Variants in KIAA1549 observed in about 807,000 individuals in gnomAD.
KIAA1549 encodes the protein UPF0606 protein KIAA1549.
In KIAA1549, 70 loss-of-function variants were observed where a neutral mutation model predicts 156.4. The ratio of observed to expected loss-of-function variants is 0.45; its 90% CI spans 0.37 to 0.55. The LOEUF (loss-of-function observed/expected upper bound fraction) is 0.55, where lower values mean the gene tolerates loss of function less well. KIAA1549 is among the 20% of genes least tolerant of loss of function. The pLI is 0.00. For missense variants in KIAA1549, 2,428 were observed against 2,540.9 expected (o/e 0.96, Z 0.96); for synonymous variants, 1,103 against 1,066.4 (o/e 1.03, Z -0.67).
At chr7:138,955,582 C>A (rs1457879389) in intron 1 of KIAA1549, among the ~76,000 whole-genome samples, 1 of 138,946 alleles carries the variant, frequency 7.2e-6, no homozygotes, top group African/African-American at 2.9e-5. Context: ...GAAAGTATAT[C>A]ATGGCATGAA....
chr7:138,955,285 A>T, intron 1 of KIAA1549, among the ~76,000 whole-genome samples: 1 of 152,232 alleles, frequency 6.6e-6, no homozygotes, highest in Non-Finnish European at 1.5e-5. Context: ...GCACATACAC[A>T]CAATGGAATA....
At position 138,919,426 on chromosome 7, in the gene KIAA1549, G is replaced by A. The variant is rs762407683; in HGVS notation, c.200C>T (p.Pro67Leu). Residue 67 changes from proline to leucine, a missense_variant, in exon 2 of 20, where the codon CCG (proline) becomes CTG (leucine). Coordinates refer to ENST00000422774, the MANE Select transcript of KIAA1549 (RefSeq NM_001164665.2). Reference protein sequence around the residue: ...PASCAPDELSPEQHNLSLYSM... With the variant: ...PASCAPDELSLEQHNLSLYSM... ...GTATAAAGAAAGGTTGTGCTGTTCCGGAGAGAGCTCATCTATCAAGAAAAT... is the reference window on the plus strand; with the variant it reads ...GTATAAAGAAAGGTTGTGCTGTTCCAGAGAGAGCTCATCTATCAAGAAAAT... The A allele has an allele frequency of 4.0e-5, 64 of 1,613,112 alleles. No homozygotes were observed. Among genetic ancestry groups the A allele is most frequent in the Admixed American group, 6.7e-5 (4 of 59,934 alleles).
At chr7:138,971,091 G>A (rs1051066495) in intron 1 of KIAA1549, among the ~76,000 whole-genome samples, 2 of 152,128 alleles carry the variant, frequency 1.3e-5, no homozygotes, top group East Asian at 1.9e-4. Context: ...CCTATCTTCC[G>A]CCAAGGCTCT....
At chr7:138,924,230 G>A (rs10259252) in intron 1 of KIAA1549, among the ~76,000 whole-genome samples, 36,801 of 146,286 alleles carry the variant, frequency 0.25, 6,018 homozygotes, top group African/African-American at 0.47. Context: ...CTACAATGAA[G>A]GCTTACAAGT....
intron 1 of KIAA1549, among the ~76,000 whole-genome samples, chr7:138,935,716 CACT>C (rs1563084589): frequency 6.6e-6 from 1 of 152,192 alleles, no homozygotes; most frequent in Non-Finnish European, 1.5e-5. Flanking sequence ...CAGGAGACAC[CACT>C]GCCTCCCTGG....
chr7:138,883,815 T>C (rs1811315862), intron 10 of KIAA1549, among the ~76,000 whole-genome samples: 1 of 152,218 alleles, frequency 6.6e-6, no homozygotes. Context: ...CCCAGGCATA[T>C]TCCACATCCA....
rs376019768 is a variant in KIAA1549, at chr7:138,958,414, T to C, written c.187+22669A>G. Among the ~76,000 whole-genome samples the C allele has an allele frequency of 4.5e-4, 69 of 152,352 alleles. 3 individuals are homozygous for C. Among genetic ancestry groups the C allele is most frequent in the African/African-American group, 1.4e-3 (59 of 41,578 alleles). ...GATTAAAAGGCTGAAATTCATCCTG[T>C]TGGCTATGCCCTAAAGGAACAGTCT... On this transcript the variant is annotated intron_variant, in intron 1 of 19. Coordinates refer to ENST00000422774, the MANE Select transcript of KIAA1549 (RefSeq NM_001164665.2).
chr7:138,867,965 T>C lies in KIAA1549; in HGVS notation c.4929+10A>G. On this transcript the variant is annotated intron_variant, in intron 15 of 19. Coordinates refer to ENST00000422774, the MANE Select transcript of KIAA1549 (RefSeq NM_001164665.2). ...CCCGAGTTCCAGAAACTGGAGTCGG[T>C]GGCACGCACTGGGCATCCGATGTAG... The C allele has an allele frequency of 6.2e-7, 1 of 1,611,870 alleles. No homozygotes were observed. Among genetic ancestry groups the C allele is most frequent in the Non-Finnish European group, 8.5e-7 (1 of 1,178,280 alleles).
intron 1 of KIAA1549, 136 bp from the exon 2 acceptor site, chr7:138,919,574 T>G: frequency 2.1e-6 from 3 of 1,412,288 alleles, no homozygotes; most frequent in Admixed American, 2.5e-5. Context: ...CGTCAGAAGT[T>G]AAACAGCTAG....
rs776230190 is a variant in KIAA1549, at chr7:138,919,389, G to A, written c.237C>T (p.Leu79=). Residue 79 remains leucine (L), a synonymous_variant, in exon 2 of 20, where the codon CTC becomes CTT. Coordinates refer to ENST00000422774, the MANE Select transcript of KIAA1549 (RefSeq NM_001164665.2). ...TGTGCCCAGTGCTTTTCTTCAGCAC[G>A]AGCTCCATGGAGTATAAAGAAAGGT... ...QHNLSLYSME[L]VLKKSTGHSA... is the part of the protein sequence containing the mutation. 18 of 1,613,858 alleles carry A rather than the reference G, an allele frequency of 1.1e-5. No individual in the cohort carries two copies. The East Asian group carries it at 1.6e-4, about 14-fold the overall frequency.
intron 12 of KIAA1549, among the ~76,000 whole-genome samples, chr7:138,873,571 G>C (rs2130389910): frequency 6.7e-6 from 1 of 150,088 alleles, no homozygotes; most frequent in Middle Eastern, 3.4e-3. Flanking sequence ...AGACTTCTGG[G>C]TTGCTGGGAG....
chr7:138,865,210 C>CA (rs1345752931), intron 15 of KIAA1549, among the ~76,000 whole-genome samples: 2 of 151,802 alleles, frequency 1.3e-5, no homozygotes, highest in Non-Finnish European at 2.9e-5. Context: ...GCCTGGGCAA[C>CA]AGAGCTGGAG....
Position 138,834,583 on chromosome 7 carries a change from G to A in KIAA1549, c.*3323C>T, listed in dbSNP as rs1244467381. On this transcript the variant is annotated 3_prime_UTR_variant, in exon 20 of 20. Transcript: ENST00000422774. The stretch of plus-strand genomic sequence containing the variant: ...ATGTCTGCTGGGTTATTTGGTGCCA[G>A]AGACACCAGAAAGTCGGGAGCAGAA... 2 of 231,372 alleles carry A rather than the reference G, an allele frequency of 8.6e-6. No homozygotes were observed. Among genetic ancestry groups the A allele is most frequent in the South Asian group, 3.6e-4 (2 of 5,518 alleles). 14.3% of individuals were successfully genotyped at this position (231,372 alleles called of 1,614,324 possible).
intron 1 of KIAA1549, among the ~76,000 whole-genome samples, chr7:138,976,056 T>C (rs1814368518): frequency 6.6e-6 from 1 of 152,182 alleles, no homozygotes; most frequent in South Asian, 2.1e-4. Flanking sequence ...AAAATGCTTA[T>C]TTTATTTTAC....
intron 1 of KIAA1549, among the ~76,000 whole-genome samples, chr7:138,925,884 T>G (rs1248673985): frequency 7.0e-6 from 1 of 142,292 alleles, no homozygotes; most frequent in African/African-American, 2.6e-5. Flanking sequence ...TAGAGTACAA[T>G]TGAGTTGAAA....
At chr7:138,875,824 C>A (rs1735516420) in intron 12 of KIAA1549, among the ~76,000 whole-genome samples, 1 of 152,002 alleles carries the variant, frequency 6.6e-6, no homozygotes, top group Admixed American at 6.5e-5. Flanking sequence ...GAGACAGGGT[C>A]TCGCTCTGTC....
At chr7:138,915,872 C>A (rs1393715720) in intron 2 of KIAA1549, among the ~76,000 whole-genome samples, 1 of 152,202 alleles carries the variant, frequency 6.6e-6, no homozygotes, top group Admixed American at 6.5e-5. Flanking sequence ...GAGACCCTGA[C>A]CAAGCGGGCC....
In KIAA1549 at chr7:138,833,440, C is replaced by T. The variant is rs1440810684; in HGVS notation, c.*4466G>A. The T allele has an allele frequency of 1.7e-5, 4 of 232,656 alleles. No homozygotes were observed. The highest frequency in any genetic ancestry group is 6.6e-5 in the African/African-American group (3 of 45,290). The allele number at this position is 232,656 out of a possible 1,614,324, so 14.4% of individuals were successfully genotyped here. ...GAACCTGTCCACGGGAAACGGGAGA[C>T]TCCTATAGCACAGAACCGCGTGCTG... On this transcript the variant is annotated 3_prime_UTR_variant, in exon 20 of 20. Transcript: ENST00000422774.
At chr7:138,915,133 A>G (rs184889082) in intron 2 of KIAA1549, among the ~76,000 whole-genome samples, 16 of 152,290 alleles carry the variant, frequency 1.1e-4, no homozygotes, top group African/African-American at 3.4e-4. Flanking sequence ...TCCAGCCATG[A>G]TGACAGTCTC....
Sources: allele counts gnomAD v4.1 joint callset (sites outside exome capture counted in the v4.1 genomes callset), GRCh38; gene constraint gnomAD v4.1.1; transcripts MANE v1.5; gene names NCBI Gene and HGNC (gene_info 2026-07-23, HGNC 2026-07-21).